UGT1A10: variants seen among roughly 807,000 people sequenced by gnomAD.
UGT1A10 encodes UDP-glucuronosyltransferase 1A10.
Under a neutral mutation model 45.8 loss-of-function variants are expected in UGT1A10, and 49 were observed. That is an observed-to-expected ratio of 1.07 (90% CI 0.85 to 1.36). UGT1A10 has a LOEUF of 1.36. Ranked by LOEUF, UGT1A10 falls within the 40% of genes most tolerant of loss-of-function variation. UGT1A10 has a pLI of 0.00. For missense variants in UGT1A10, 745 were observed against 668.6 expected (o/e 1.11, Z -1.26); for synonymous variants, 284 against 249.7 (o/e 1.14, Z -1.29).
chr2:233,673,570 CT>C (rs45448792), intron 1 of UGT1A10, among the ~76,000 whole-genome samples: 1,956 of 152,184 alleles, frequency 0.013, 43 homozygotes, highest in African/African-American at 0.044. Flanking sequence ...GCTATTGTGT[CT>C]TCCTGTTCAG....
chr2:233,689,586 A>G (rs2074950565), intron 1 of UGT1A10, among the ~76,000 whole-genome samples: 1 of 152,230 alleles, frequency 6.6e-6, no homozygotes, highest in Non-Finnish European at 1.5e-5. Flanking sequence ...CAATTAGCTA[A>G]GGAAGAGAAG....
At chr2:233,709,327 T>A (rs2076071799) in intron 1 of UGT1A10, among the ~76,000 whole-genome samples, 1 of 152,218 alleles carries the variant, frequency 6.6e-6, no homozygotes, top group African/African-American at 2.4e-5. Flanking sequence ...TTTTTGTTAC[T>A]AGTTTGTCAT....
chr2:233,685,350 A>G (rs898581661), intron 1 of UGT1A10, among the ~76,000 whole-genome samples: 1 of 152,132 alleles, frequency 6.6e-6, no homozygotes, highest in Non-Finnish European at 1.5e-5. Context: ...GGTTTTAATG[A>G]GAAAAAAAGA....
chr2:233,651,215 A>G (rs1207264863), intron 1 of UGT1A10, among the ~76,000 whole-genome samples: 1 of 152,116 alleles, frequency 6.6e-6, no homozygotes, highest in African/African-American at 2.4e-5. Context: ...CCCAGGTATT[A>G]CCTGCAGCCT....
At position 233,764,542 on chromosome 2, in the gene UGT1A10, C is replaced by T. The variant is rs34078324; in HGVS notation, c.856-2492C>T. ...CACATCCTGCTGATTGCTGAGTGGGCGTGTGGGAGGGTGTGCCTGGAGGAG... is the reference window on the plus strand; with the variant it reads ...CACATCCTGCTGATTGCTGAGTGGGTGTGTGGGAGGGTGTGCCTGGAGGAG... On this transcript the variant is annotated intron_variant, in intron 1 of 4. Transcript: ENST00000344644. Among the ~76,000 whole-genome samples, 1,361 of 152,150 alleles carry T rather than the reference C, an allele frequency of 8.9e-3. 20 individuals carry two copies. The highest frequency in any genetic ancestry group is 0.032 in the African/African-American group (1,309 of 41,498).
At chr2:233,721,551 A>AGT (rs1303257041) in intron 1 of UGT1A10, 1 of 163,364 alleles carries the variant, frequency 6.1e-6, no homozygotes, top group African/African-American at 2.4e-5. Context: ...TTTTTTCTTC[A>AGT]GTTTCTTCTG....
intron 1 of UGT1A10, among the ~76,000 whole-genome samples, chr2:233,681,074 G>C (rs952494823): frequency 1.3e-5 from 2 of 151,768 alleles, no homozygotes; most frequent in African/African-American, 4.8e-5. Flanking sequence ...TGTCACAATT[G>C]TGGCTCACCT....
chr2:233,672,147 T>C, intron 1 of UGT1A10: 1 of 1,614,166 alleles, frequency 6.2e-7, no homozygotes, highest in Non-Finnish European at 8.5e-7. Flanking sequence ...GATCACTGAA[T>C]TGCACAGTGA....
intron 1 of UGT1A10, among the ~76,000 whole-genome samples, chr2:233,741,066 G>A (rs923933270): frequency 3.3e-5 from 5 of 151,838 alleles, no homozygotes; most frequent in Non-Finnish European, 7.3e-5. Context: ...GCTACAGAGC[G>A]AGACCCTGTC....
At chr2:233,761,180 C>T (rs374898247) in intron 1 of UGT1A10, 24 of 1,614,008 alleles carry the variant, frequency 1.5e-5, no homozygotes, top group Non-Finnish European at 1.8e-5. Flanking sequence ...CTTTTACATG[C>T]GTATATTCTT....
chr2:233,690,515 C>T (rs1313836280), intron 1 of UGT1A10: 3 of 1,289,546 alleles, frequency 2.3e-6, no homozygotes, highest in Admixed American at 4.6e-5. Context: ...TTTGTTTTAT[C>T]TTAGGATCTA....
intron 1 of UGT1A10, chr2:233,754,630 T>C (rs1285371125): frequency 2.2e-6 from 1 of 445,558 alleles, no homozygotes; most frequent in East Asian, 7.0e-5. Flanking sequence ...ACTTCCACCC[T>C]TTCTTGGCCA....
At chr2:233,648,115 G>A in intron 1 of UGT1A10, 1 of 1,429,198 alleles carries the variant, frequency 7.0e-7, no homozygotes, top group Non-Finnish European at 9.4e-7. Context: ...CATGGCTTTT[G>A]CCAATGCTCA....
intron 1 of UGT1A10, among the ~76,000 whole-genome samples, chr2:233,702,784 C>T (rs1036142501): frequency 6.6e-6 from 1 of 152,164 alleles, no homozygotes; most frequent in Admixed American, 6.5e-5. Flanking sequence ...CAGGTGTAAA[C>T]GAACCTTGTA....
intron 1 of UGT1A10, chr2:233,689,902 C>T (rs1353879284): frequency 4.4e-6 from 2 of 456,644 alleles, no homozygotes; most frequent in Non-Finnish European, 8.8e-6. Flanking sequence ...TTCTCAGGGC[C>T]AGGTAGGTGC....
intron 1 of UGT1A10, among the ~76,000 whole-genome samples, chr2:233,676,310 T>C (rs554815608): frequency 6.6e-6 from 1 of 152,332 alleles, no homozygotes; most frequent in African/African-American, 2.4e-5. Context: ...TCTCACAGTC[T>C]GTTGAGTGAC....
chr2:233,717,911 C>T, intron 1 of UGT1A10: 1 of 454,770 alleles, frequency 2.2e-6, no homozygotes, highest in South Asian at 1.6e-5. Flanking sequence ...AAATAAAGGC[C>T]TGGATGAATG....
intron 1 of UGT1A10, chr2:233,713,275 G>A (rs1268736008): frequency 6.2e-7 from 1 of 1,614,224 alleles, no homozygotes; most frequent in South Asian, 1.1e-5. Flanking sequence ...CTTTTGCTGG[G>A]TCACACTCAA....
At chr2:233,690,868 G>C in intron 1 of UGT1A10, 2 of 1,065,100 alleles carry the variant, frequency 1.9e-6, no homozygotes, top group Non-Finnish European at 2.3e-6. Flanking sequence ...TAATTTGCAA[G>C]AAGGTGTTAG....
Sources: allele counts gnomAD v4.1 joint callset (sites outside exome capture counted in the v4.1 genomes callset), GRCh38; gene constraint gnomAD v4.1.1; transcripts MANE v1.5; gene names NCBI Gene and HGNC (gene_info 2026-07-23, HGNC 2026-07-21).